The following MAST4 variants were observed in gnomAD, a reference collection of about 807,000 sequenced individuals.
MAST4 encodes the protein microtubule associated serine/threonine kinase family member 4, also known as microtubule-associated serine/threonine-protein kinase 4.
MAST4 carries 89 observed loss-of-function variants against 162.7 expected under a neutral mutation model. The ratio of observed to expected loss-of-function variants is 0.55; its 90% confidence interval spans 0.46 to 0.65. MAST4 has a LOEUF of 0.65. Among genes scored for constraint, MAST4 ranks in the 30% least tolerant of loss-of-function variants. MAST4 has a pLI of 0.00. For missense variants in MAST4, 3,153 were observed against 3,374.0 expected (o/e 0.93, Z 1.62); for synonymous variants, 1,479 against 1,361.1 (o/e 1.09, Z -1.91).
chr5:66,946,438 G>T (rs1744034487), intron 4 of MAST4, among the ~76,000 whole-genome samples: 1 of 151,980 alleles, frequency 6.6e-6, no homozygotes, highest in Non-Finnish European at 1.5e-5. Flanking sequence ...ACCGCCTCAG[G>T]TAAAATAAAT....
chr5:66,853,939 CATTT>C (rs1759492968), intron 3 of MAST4, among the ~76,000 whole-genome samples: 1 of 152,052 alleles, frequency 6.6e-6, no homozygotes, highest in Non-Finnish European at 1.5e-5. Context: ...AGAAATTAAA[CATTT>C]ATAACAAATC....
intron 1 of MAST4, among the ~76,000 whole-genome samples, chr5:66,679,416 G>A (rs543131572): frequency 1.3e-4 from 20 of 152,352 alleles, no homozygotes; most frequent in African/African-American, 4.8e-4. Flanking sequence ...CGGGAGCACT[G>A]TTGTGGGAGC....
intron 3 of MAST4, among the ~76,000 whole-genome samples, chr5:66,863,452 C>T (rs560629111): frequency 3.3e-5 from 5 of 152,300 alleles, no homozygotes; most frequent in South Asian, 4.1e-4. Flanking sequence ...AGGTGCCTTC[C>T]GGCTTCGGTC....
chr5:66,828,510 A>C (rs191032737), intron 3 of MAST4, among the ~76,000 whole-genome samples: 12 of 152,314 alleles, frequency 7.9e-5, no homozygotes, highest in Admixed American at 3.9e-4. Context: ...AAAGCCATTT[A>C]GTGGTCTCCT....
intron 4 of MAST4, among the ~76,000 whole-genome samples, chr5:66,969,666 C>T (rs1040680430): frequency 2.0e-5 from 3 of 152,118 alleles, no homozygotes; most frequent in African/African-American, 7.2e-5. Flanking sequence ...CCTCACTTCA[C>T]TTGTTGCCAT....
chr5:66,821,717 A>G (rs1008718161), intron 3 of MAST4, among the ~76,000 whole-genome samples: 3 of 152,194 alleles, frequency 2.0e-5, no homozygotes, highest in Non-Finnish European at 2.9e-5. Flanking sequence ...GGCTCAGCTC[A>G]TCACTGGTTT....
intron 5 of MAST4, among the ~76,000 whole-genome samples, chr5:67,084,200 T>G (rs1475312561): frequency 6.6e-6 from 1 of 152,240 alleles, no homozygotes; most frequent in African/African-American, 2.4e-5. Context: ...TATAACCTCA[T>G]CAGTCATTCC....
At chr5:67,132,633 T>A (rs1009913253) in intron 16 of MAST4, among the ~76,000 whole-genome samples, 7 of 143,724 alleles carry the variant, frequency 4.9e-5, no homozygotes, top group South Asian at 2.1e-4. Flanking sequence ...ACAGATAGAC[T>A]TTTTTCCCCA....
At position 66,719,022 on chromosome 5, in the gene MAST4, C is replaced by T. The variant is rs181888531; in HGVS notation, c.364-40687C>T. On this transcript the variant is annotated intron_variant, in intron 1 of 28. Transcript: ENST00000403625. Reference sequence around the variant, plus strand: ...CATTACCTAAGCAACATCCAATTTCCGAAAGTGTCTAGAGGAGAAGCGGCA... The same window carrying T: ...CATTACCTAAGCAACATCCAATTTCTGAAAGTGTCTAGAGGAGAAGCGGCA... Among the ~76,000 whole-genome samples, 17 of 152,290 alleles carry T rather than the reference C, an allele frequency of 1.1e-4. No individual in the cohort carries two copies. The East Asian group carries it at 1.2e-3, about 10-fold the overall frequency.
intron 5 of MAST4, among the ~76,000 whole-genome samples, chr5:67,063,663 C>A (rs1412397391): frequency 2.0e-5 from 3 of 151,338 alleles, no homozygotes; most frequent in African/African-American, 7.3e-5. Context: ...TCATCCTGGG[C>A]AGACACCCAT....
chr5:66,633,879 C>T lies in MAST4; in HGVS notation c.363+36861C>T, dbSNP rs182361093. Reference sequence around the variant, plus strand: ...GGTTCTTCTGAATGGTGTTTTGGTGCAAGGCCGTCAGCTTGCACTGTGGCA... The same window carrying T: ...GGTTCTTCTGAATGGTGTTTTGGTGTAAGGCCGTCAGCTTGCACTGTGGCA... On this transcript the variant is annotated intron_variant, in intron 1 of 28. Coordinates refer to ENST00000403625, the MANE Select transcript of MAST4 (RefSeq NM_001164664.2). Among the ~76,000 whole-genome samples the T allele has an allele frequency of 2.6e-4, 40 of 152,218 alleles. No individual in the cohort carries two copies. In the East Asian group the frequency reaches 6.2e-3, roughly 24 times the overall value.
chr5:66,978,623 A>T (rs894508637), intron 4 of MAST4, among the ~76,000 whole-genome samples: 1 of 152,190 alleles, frequency 6.6e-6, no homozygotes, highest in Non-Finnish European at 1.5e-5. Flanking sequence ...TTCGGGGCTA[A>T]GTACATGGAA....
At chr5:66,897,833 A>C (rs1431842580) in intron 3 of MAST4, among the ~76,000 whole-genome samples, 1 of 152,216 alleles carries the variant, frequency 6.6e-6, no homozygotes, top group Admixed American at 6.5e-5. Flanking sequence ...GATTAAAAAC[A>C]GAGTTGGTTT....
At chr5:66,968,575 C>A (rs536951470) in intron 4 of MAST4, among the ~76,000 whole-genome samples, 1 of 152,262 alleles carries the variant, frequency 6.6e-6, no homozygotes, top group East Asian at 1.9e-4. Flanking sequence ...TCCTGACATA[C>A]GTAGAAGAGG....
chr5:66,614,996 G>A (rs1015300584), intron 1 of MAST4, among the ~76,000 whole-genome samples: 3 of 152,140 alleles, frequency 2.0e-5, no homozygotes, highest in East Asian at 1.9e-4. Context: ...GGTATTTCAC[G>A]CAGGAACCAG....
At position 66,736,047 on chromosome 5, in the gene MAST4, C is replaced by T. The variant is rs78692393; in HGVS notation, c.364-23662C>T. On this transcript the variant is annotated intron_variant, in intron 1 of 28. Coordinates refer to ENST00000403625, the MANE Select transcript of MAST4 (RefSeq NM_001164664.2). ...GGGGGATCTGGAGAAGTTATTTTTCCCATTTCTATCACTTGTTTTCAGATA... is the reference window on the plus strand; with the variant it reads ...GGGGGATCTGGAGAAGTTATTTTTCTCATTTCTATCACTTGTTTTCAGATA... 7.3e-3 allele frequency among the ~76,000 whole-genome samples: 1,108 copies of T among 152,230 alleles called. 4 individuals are homozygous for T. The highest frequency in any genetic ancestry group is 0.012 in the Non-Finnish European group (828 of 68,002).
intron 4 of MAST4, among the ~76,000 whole-genome samples, chr5:66,957,469 T>G (rs1381887333): frequency 6.6e-6 from 1 of 152,146 alleles, no homozygotes; most frequent in Non-Finnish European, 1.5e-5. Context: ...TTTTTAGTAT[T>G]TCCTTTTGTG....
At chr5:66,949,407 C>A (rs539142160) in intron 4 of MAST4, among the ~76,000 whole-genome samples, 14 of 152,144 alleles carry the variant, frequency 9.2e-5, no homozygotes, top group Non-Finnish European at 1.2e-4. Context: ...CTCGTGAGAT[C>A]TGATGGTTTT....
At chr5:66,803,619 C>A (rs1326835440) in intron 3 of MAST4, among the ~76,000 whole-genome samples, 2 of 151,966 alleles carry the variant, frequency 1.3e-5, no homozygotes. Context: ...ACCTTAATAT[C>A]CTTTAAAAAT....
Sources: gnomAD v4.1 joint callset for allele counts (sites outside exome capture counted in the v4.1 genomes callset) on GRCh38, gnomAD v4.1.1 for gene constraint, MANE v1.5 for transcripts, NCBI Gene and HGNC (gene_info 2026-07-23, HGNC 2026-07-21) for gene names.